Variants in GNB4 observed in about 807,000 individuals in gnomAD.
The protein encoded by GNB4 is guanine nucleotide-binding protein subunit beta-4.
In GNB4, 28 loss-of-function variants were observed where a neutral mutation model predicts 45.2. That is an observed-to-expected ratio of 0.62 (90% CI 0.46 to 0.85). The LOEUF (loss-of-function observed/expected upper bound fraction) is 0.85. Among genes scored for constraint, GNB4 ranks in the 40% least tolerant of loss-of-function variants. The pLI is 0.00. For missense variants in GNB4, 321 were observed against 425.4 expected (o/e 0.75, Z 2.16); for synonymous variants, 132 against 143.7 (o/e 0.92, Z 0.58).
At chr3:179,512,853 G>A in the GNB4 span, among the ~76,000 whole-genome samples, 1 of 152,142 alleles carries the variant, frequency 6.6e-6, no homozygotes, top group Non-Finnish European at 1.5e-5. Flanking sequence ...AATCCTAAAG[G>A]TATCTATAAA....
At chr3:179,470,966 T>C in the GNB4 span, among the ~76,000 whole-genome samples, 793 of 152,162 alleles carry the variant, frequency 5.2e-3, 3 homozygotes, top group Non-Finnish European at 9.2e-3. Flanking sequence ...GATCACGAGG[T>C]CAGGAGATTG....
chr3:179,443,869 G>A (rs1030632654), intron 1 of GNB4, among the ~76,000 whole-genome samples: 7 of 152,174 alleles, frequency 4.6e-5, no homozygotes, highest in Non-Finnish European at 7.4e-5. Context: ...TAATGTTCTC[G>A]GAATCTATCA....
At chr3:179,501,202 C>A in the GNB4 span, among the ~76,000 whole-genome samples, 3 of 152,128 alleles carry the variant, frequency 2.0e-5, no homozygotes, top group Non-Finnish European at 4.4e-5. Flanking sequence ...ACAGTTACTC[C>A]CTAGGTGATC....
upstream of GNB4, among the ~76,000 whole-genome samples, chr3:179,453,094 A>G (rs1415934140): frequency 2.0e-5 from 3 of 152,168 alleles, no homozygotes; most frequent in Admixed American, 6.5e-5. Context: ...AGAGCCCTGC[A>G]TGACATCAGA....
chr3:179,510,174 G>A, the GNB4 span, among the ~76,000 whole-genome samples: 1 of 151,740 alleles, frequency 6.6e-6, no homozygotes, highest in Admixed American at 6.6e-5. Flanking sequence ...AAAACAAATT[G>A]AGCCACAAGT....
At position 179,399,159 on chromosome 3, in the gene GNB4, T is replaced by C. The variant is rs953371470; in HGVS notation, c.*2054A>G. 1 of 152,216 alleles carries C rather than the reference T, an allele frequency of 6.6e-6. No individual in the cohort carries two copies. The highest frequency in any genetic ancestry group is 1.5e-5 in the Non-Finnish European group (1 of 68,026). 9.4% of individuals were successfully genotyped at this position (152,216 alleles called of 1,614,324 possible). Reference sequence around the variant, plus strand: ...AAGAACTGTTCTTTATGAAGTGATATAAATAGCCTACAAATAAACATTAAT... The same window carrying C: ...AAGAACTGTTCTTTATGAAGTGATACAAATAGCCTACAAATAAACATTAAT... On this transcript the variant is annotated 3_prime_UTR_variant, in exon 10 of 10. Coordinates refer to ENST00000232564, the MANE Select transcript of GNB4 (RefSeq NM_021629.4).
chr3:179,505,100 C>T, the GNB4 span, among the ~76,000 whole-genome samples: 2 of 152,184 alleles, frequency 1.3e-5, no homozygotes, highest in Admixed American at 6.5e-5. Flanking sequence ...TGATCCACAG[C>T]TAACCTGCAG....
chr3:179,447,190 G>A (rs901124498), intron 1 of GNB4, among the ~76,000 whole-genome samples: 1 of 151,962 alleles, frequency 6.6e-6, no homozygotes, highest in African/African-American at 2.4e-5. Flanking sequence ...ATTACAGGCA[G>A]AACAGCAAGC....
At chr3:179,434,718 C>T (rs996117282) in intron 1 of GNB4, among the ~76,000 whole-genome samples, 1 of 150,130 alleles carries the variant, frequency 6.7e-6, no homozygotes, top group African/African-American at 2.5e-5. Flanking sequence ...AAAACTCTGT[C>T]TCATTAAAAA....
the GNB4 span, among the ~76,000 whole-genome samples, chr3:179,518,448 G>T: frequency 2.6e-5 from 4 of 151,716 alleles, no homozygotes; most frequent in Admixed American, 6.6e-5. Flanking sequence ...CACAAGTGTC[G>T]CTGAGTCTTT....
chr3:179,458,510 A>G, the GNB4 span, among the ~76,000 whole-genome samples: 1 of 152,222 alleles, frequency 6.6e-6, no homozygotes, highest in Non-Finnish European at 1.5e-5. Flanking sequence ...ATTATTAACT[A>G]TTAGGGCTAA....
chr3:179,491,036 A>G, the GNB4 span, among the ~76,000 whole-genome samples: 2 of 151,124 alleles, frequency 1.3e-5, no homozygotes, highest in Non-Finnish European at 2.9e-5. Context: ...AGAATAACAC[A>G]TACGTTAGAA....
At chr3:179,439,007 G>T (rs185646129) in intron 1 of GNB4, among the ~76,000 whole-genome samples, 7 of 152,238 alleles carry the variant, frequency 4.6e-5, no homozygotes, top group African/African-American at 1.2e-4. Flanking sequence ...TTCAATCTGT[G>T]GTTCTCAGAG....
At chr3:179,447,691 G>C (rs925824589) in intron 1 of GNB4, among the ~76,000 whole-genome samples, 1 of 152,150 alleles carries the variant, frequency 6.6e-6, no homozygotes, top group Admixed American at 6.5e-5. Context: ...TTGACACCAG[G>C]GTGGTGGTGG....
chr3:179,494,798 C>T, the GNB4 span, among the ~76,000 whole-genome samples: 1 of 150,966 alleles, frequency 6.6e-6, no homozygotes, highest in Non-Finnish European at 1.5e-5. Flanking sequence ...GTCCCAGCTA[C>T]TCGGGAGGCT....
At chr3:179,490,482 G>A in the GNB4 span, among the ~76,000 whole-genome samples, 883 of 152,240 alleles carry the variant, frequency 5.8e-3, 12 homozygotes, top group African/African-American at 0.02. Context: ...TGGCTTATGT[G>A]ATTATAGAGG....
the GNB4 span, among the ~76,000 whole-genome samples, chr3:179,482,765 C>G: frequency 6.6e-6 from 1 of 152,182 alleles, no homozygotes; most frequent in African/African-American, 2.4e-5. Flanking sequence ...TCATGACTCT[C>G]TCTTTTGAGG....
rs530668569 is a variant in GNB4 at position 179,396,376 on chromosome 3, T to G, written c.*4837A>C. 7.2e-5 allele frequency: 11 copies of G among 152,302 alleles called. No individual in the cohort carries two copies. The South Asian group carries it at 2.3e-3, about 32-fold the overall frequency. The allele number at this position is 152,302 out of a possible 1,614,324, so 9.4% of individuals were successfully genotyped here. On this transcript the variant is annotated 3_prime_UTR_variant, in exon 10 of 10. Transcript: ENST00000232564. ...GAATGCTTTAACAGAAAAATAATTTTAATCAACTTTAAAAACACACTTAGA... is the reference window on the plus strand; with the variant it reads ...GAATGCTTTAACAGAAAAATAATTTGAATCAACTTTAAAAACACACTTAGA...
At chr3:179,442,627 CTTTT>C (rs560875216) in intron 1 of GNB4, among the ~76,000 whole-genome samples, 1 of 148,358 alleles carries the variant, frequency 6.7e-6, no homozygotes, top group Admixed American at 6.8e-5. Flanking sequence ...TCCTATGTCA[CTTTT>C]TTTTTTAAGA....
Sources: gnomAD v4.1 joint callset for allele counts (sites outside exome capture counted in the v4.1 genomes callset) on GRCh38, gnomAD v4.1.1 for gene constraint, MANE v1.5 for transcripts, NCBI Gene and HGNC (gene_info 2026-07-23, HGNC 2026-07-21) for gene names.